MBNL1: variants seen among roughly 807,000 people sequenced by gnomAD.
The protein encoded by MBNL1 is muscleblind like splicing regulator 1, also known as muscleblind-like protein 1.
MBNL1 carries 8 observed loss-of-function variants against 42.2 expected under a neutral mutation model. That is an observed-to-expected ratio of 0.19 (90% CI 0.11 to 0.34). The LOEUF (loss-of-function observed/expected upper bound fraction) is 0.34, where lower values mean the gene tolerates loss of function less well. Among genes scored for constraint, MBNL1 ranks in the 10% least tolerant of loss-of-function variants. The pLI, the probability that MBNL1 is intolerant of heterozygous loss-of-function variation, is 1.00. For synonymous variants in MBNL1, 169 were observed against 173.9 expected (o/e 0.97, Z 0.22); for missense variants, 309 against 495.3 (o/e 0.62, Z 3.57).
chr3:152,319,470 C>G (rs2074786831), intron 2 of MBNL1, among the ~76,000 whole-genome samples: 1 of 152,006 alleles, frequency 6.6e-6, no homozygotes, highest in Non-Finnish European at 1.5e-5. Flanking sequence ...ACAGCAAAAA[C>G]TAGAATATAT....
intron 4 of MBNL1, among the ~76,000 whole-genome samples, chr3:152,443,459 G>A (rs902160289): frequency 2.0e-5 from 2 of 99,490 alleles, no homozygotes; most frequent in Non-Finnish European, 4.2e-5. Context: ...TAGCCCTTTC[G>A]TTTATGCAGT....
intron 2 of MBNL1, among the ~76,000 whole-genome samples, chr3:152,247,809 G>A (rs2149362403): frequency 6.6e-6 from 1 of 151,526 alleles, no homozygotes; most frequent in Non-Finnish European, 1.5e-5. Context: ...TATTATGGGG[G>A]AAAATACCAG....
intron 2 of MBNL1, among the ~76,000 whole-genome samples, chr3:152,361,300 A>G (rs1020129577): frequency 1.4e-4 from 22 of 151,998 alleles, no homozygotes; most frequent in African/African-American, 5.3e-4. Flanking sequence ...GAGTATGAAC[A>G]TCAGTGGAGT....
intron 4 of MBNL1, among the ~76,000 whole-genome samples, chr3:152,435,573 T>C (rs1196786038): frequency 6.6e-6 from 1 of 152,212 alleles, no homozygotes; most frequent in Non-Finnish European, 1.5e-5. Flanking sequence ...TCTAATTCTG[T>C]GAAGAATGTC....
intron 5 of MBNL1, among the ~76,000 whole-genome samples, chr3:152,446,944 A>G (rs1010224840): frequency 6.6e-6 from 1 of 152,204 alleles, no homozygotes; most frequent in African/African-American, 2.4e-5. Flanking sequence ...ATAGATGGAT[A>G]TCATACAATA....
intron 2 of MBNL1, among the ~76,000 whole-genome samples, chr3:152,379,170 C>T (rs377414350): frequency 6.6e-6 from 1 of 152,292 alleles, no homozygotes; most frequent in African/African-American, 2.4e-5. Flanking sequence ...TATAAAGTCA[C>T]CACTGACATT....
intron 2 of MBNL1, among the ~76,000 whole-genome samples, chr3:152,329,824 A>G (rs1488533669): frequency 1.3e-5 from 2 of 150,388 alleles, no homozygotes; most frequent in African/African-American, 2.4e-5. Flanking sequence ...ACCATTGTGG[A>G]TATCATGGGA....
intron 1 of MBNL1, among the ~76,000 whole-genome samples, chr3:152,279,728 T>G (rs1161897128): frequency 6.6e-6 from 1 of 152,166 alleles, no homozygotes; most frequent in African/African-American, 2.4e-5. Flanking sequence ...CTTGTGAAGT[T>G]TGAAGATAAT....
At chr3:152,265,931 T>C (rs1452691513), upstream of MBNL1, 1 of 152,216 alleles carries the variant, frequency 6.6e-6, no homozygotes, top group African/African-American at 2.4e-5. Flanking sequence ...CTATTAACTT[T>C]TTATTACAAT....
At chr3:152,363,713 T>G (rs910547104) in intron 2 of MBNL1, among the ~76,000 whole-genome samples, 1 of 152,114 alleles carries the variant, frequency 6.6e-6, no homozygotes, top group South Asian at 2.1e-4. Flanking sequence ...ATAGTTCCAT[T>G]TTAGAGAGAG....
intron 3 of MBNL1, among the ~76,000 whole-genome samples, chr3:152,424,567 A>AC (rs2098873731): frequency 6.6e-6 from 1 of 152,030 alleles, no homozygotes; most frequent in South Asian, 2.1e-4. Flanking sequence ...GAATTAGAAA[A>AC]AAAAAAAAAC....
chr3:152,387,232 A>T (rs1579256975), intron 2 of MBNL1, among the ~76,000 whole-genome samples: 1 of 145,892 alleles, frequency 6.9e-6, no homozygotes, highest in South Asian at 2.2e-4. Flanking sequence ...AAGCTATTCC[A>T]GTCTGTGTAT....
chr3:152,254,672 T>A (rs1472797975), intron 2 of MBNL1, among the ~76,000 whole-genome samples: 1 of 152,146 alleles, frequency 6.6e-6, no homozygotes, highest in African/African-American at 2.4e-5. Context: ...TGTATTAACA[T>A]ATAACTAAGT....
At chr3:152,444,873 G>A (rs943851607) in intron 4 of MBNL1, among the ~76,000 whole-genome samples, 4 of 152,098 alleles carry the variant, frequency 2.6e-5, no homozygotes, top group Admixed American at 6.5e-5. Context: ...TACTGTGATT[G>A]TGTGCCCTTC....
intron 6 of MBNL1, chr3:152,449,393 A>G (rs1377297889): frequency 1.3e-5 from 2 of 152,214 alleles, no homozygotes; most frequent in African/African-American, 4.8e-5. Flanking sequence ...AAAAAATATG[A>G]TAGTTTCTCT....
intron 6 of MBNL1, among the ~76,000 whole-genome samples, chr3:152,455,005 A>G (rs544858651): frequency 7.2e-5 from 11 of 152,336 alleles, no homozygotes; most frequent in African/African-American, 2.6e-4. Flanking sequence ...GGTTGCTGCT[A>G]CAATGAACAG....
chr3:152,367,970 G>A (rs1282917026), intron 2 of MBNL1, among the ~76,000 whole-genome samples: 2 of 148,626 alleles, frequency 1.3e-5, no homozygotes, highest in Non-Finnish European at 3.0e-5. Flanking sequence ...CATTCTGTAG[G>A]TTGCCTGTTC....
chr3:152,407,164 T>C lies in MBNL1; in HGVS notation c.175-7777T>C, dbSNP rs2098450936. Among the ~76,000 whole-genome samples, 5 of 148,888 alleles carry C rather than the reference T, an allele frequency of 3.4e-5. No homozygotes were observed. In the South Asian group the frequency reaches 1.1e-3, roughly 31 times the overall value. ...TTGAAAACATGTTTTATATCTGTGGTAAAGTAATTGAAAGAAACTGGGATT... is the reference window on the plus strand; with the variant it reads ...TTGAAAACATGTTTTATATCTGTGGCAAAGTAATTGAAAGAAACTGGGATT... On this transcript the variant is annotated intron_variant, in intron 2 of 9. Coordinates refer to ENST00000324210, the MANE Select transcript of MBNL1 (RefSeq NM_021038.5).
chr3:152,283,915 A>G (rs532078360), intron 1 of MBNL1, among the ~76,000 whole-genome samples: 12 of 152,164 alleles, frequency 7.9e-5, no homozygotes, highest in Admixed American at 6.6e-4. Context: ...TTTGAAACTA[A>G]CCTTGACCTC....
Sources: gnomAD v4.1 joint callset for allele counts (sites outside exome capture counted in the v4.1 genomes callset) on GRCh38, gnomAD v4.1.1 for gene constraint, MANE v1.5 for transcripts, NCBI Gene and HGNC (gene_info 2026-07-23, HGNC 2026-07-21) for gene names.